The following GSTCD variants were observed in gnomAD, a reference collection of about 807,000 sequenced individuals.
GSTCD encodes glutathione S-transferase C-terminal domain containing, also known as glutathione S-transferase C-terminal domain-containing protein.
GSTCD carries 44 observed loss-of-function variants against 68.3 expected under a neutral mutation model. The ratio of observed to expected loss-of-function variants is 0.64; its 90% CI spans 0.51 to 0.83. The LOEUF (loss-of-function observed/expected upper bound fraction) is 0.83, where lower values mean the gene tolerates loss of function less well. Ranked by LOEUF, GSTCD falls within the 40% of genes least tolerant of loss-of-function variation. The pLI, the probability that GSTCD is intolerant of heterozygous loss-of-function variation, is 0.00. For synonymous variants in GSTCD, 273 were observed against 255.2 expected (o/e 1.07, Z -0.67); for missense variants, 739 against 735.9 (o/e 1.00, Z -0.05).
In GSTCD at chr4:105,718,918, A is replaced by C. The variant is rs1322648309; in HGVS notation, c.427-142A>C. The C allele has an allele frequency of 2.6e-5, 17 of 641,518 alleles. No individual in the cohort carries two copies. In the East Asian group the frequency reaches 4.4e-4, roughly 17 times the overall value. The allele number at this position is 641,518 out of a possible 1,614,324, so 39.7% of individuals were successfully genotyped here. On this transcript the variant is annotated intron_variant, in intron 2 of 11. Coordinates refer to ENST00000515279, the MANE Select transcript of GSTCD (RefSeq NM_001370181.1). ...ATGTTTTTACTTCTGAAGCACTGTG[A>C]TGTGTCTCCTGATACAACATAAAAG...
chr4:105,800,687 G>A (rs1159723800), intron 5 of GSTCD, among the ~76,000 whole-genome samples: 2 of 152,152 alleles, frequency 1.3e-5, no homozygotes, highest in East Asian at 3.9e-4. Context: ...TGCTATTGAT[G>A]CATAATAGTT....
intron 5 of GSTCD, among the ~76,000 whole-genome samples, chr4:105,731,207 A>G (rs1312916938): frequency 6.6e-6 from 1 of 152,122 alleles, no homozygotes; most frequent in Non-Finnish European, 1.5e-5. Context: ...TTGTCTTGGC[A>G]ATGCGGGCTC....
At chr4:105,747,376 A>T (rs939914070) in intron 5 of GSTCD, among the ~76,000 whole-genome samples, 15 of 152,238 alleles carry the variant, frequency 9.9e-5, no homozygotes, top group Admixed American at 5.2e-4. Flanking sequence ...CCTACCCCAC[A>T]GTTTCTCTTA....
chr4:105,756,556 GTATA>G (rs1264656592), intron 5 of GSTCD, among the ~76,000 whole-genome samples: 2 of 119,878 alleles, frequency 1.7e-5, no homozygotes, highest in Non-Finnish European at 3.5e-5. Flanking sequence ...ATACATATAT[GTATA>G]TATATGTGTG....
intron 5 of GSTCD, among the ~76,000 whole-genome samples, chr4:105,733,085 G>C (rs973221279): frequency 3.3e-5 from 5 of 152,168 alleles, no homozygotes; most frequent in African/African-American, 4.8e-5. Flanking sequence ...TTTTACATTT[G>C]CTGAGGAGTG....
chr4:105,731,306 A>G (rs191723363), intron 5 of GSTCD, among the ~76,000 whole-genome samples: 8 of 152,316 alleles, frequency 5.3e-5, no homozygotes, highest in African/African-American at 1.7e-4. Flanking sequence ...CATTGAATCT[A>G]TAAATTACCT....
chr4:105,804,270 C>A (rs1736246755), intron 5 of GSTCD, among the ~76,000 whole-genome samples: 1 of 151,808 alleles, frequency 6.6e-6, no homozygotes. Flanking sequence ...AATAAAGAAA[C>A]TTTTCTATTA....
intron 10 of GSTCD, among the ~76,000 whole-genome samples, chr4:105,838,718 T>C (rs1560856341): frequency 6.6e-6 from 1 of 152,220 alleles, no homozygotes; most frequent in South Asian, 2.1e-4. Flanking sequence ...CAAAACAGTT[T>C]CTAGCTTCCT....
intron 5 of GSTCD, among the ~76,000 whole-genome samples, chr4:105,797,078 GTA>G (rs149142373): frequency 6.6e-5 from 10 of 150,986 alleles, no homozygotes; most frequent in East Asian, 2.0e-4. Context: ...GTGTGTGTGT[GTA>G]TGTGTGTGTG....
intron 1 of GSTCD, among the ~76,000 whole-genome samples, chr4:105,711,821 G>A (rs1183246751): frequency 6.6e-6 from 1 of 152,064 alleles, no homozygotes; most frequent in Non-Finnish European, 1.5e-5. Context: ...TTCTTGCTAG[G>A]CACATGTATG....
Position 105,718,950 on chromosome 4 carries a change from C to T in GSTCD, c.427-110C>T, listed in dbSNP as rs978365748. Reference sequence around the variant, plus strand: ...TCCTGATACAACATAAAAGCCTAGCCCAGGGATGATTGAGCTCAAAACTTA... The same window carrying T: ...TCCTGATACAACATAAAAGCCTAGCTCAGGGATGATTGAGCTCAAAACTTA... On this transcript the variant is annotated intron_variant, in intron 2 of 11. Transcript: ENST00000515279. 5.1e-6 allele frequency: 4 copies of T among 783,648 alleles called. No individual in the cohort carries two copies. The Admixed American group carries it at 1.1e-4, about 22-fold the overall frequency. The allele number at this position is 783,648 out of a possible 1,614,324, so 48.5% of individuals were successfully genotyped here. A position where few individuals can be genotyped will look rare whatever the true frequency, so the allele number is the denominator to read the frequency against.
intron 5 of GSTCD, among the ~76,000 whole-genome samples, chr4:105,788,610 A>G (rs1279630994): frequency 1.3e-5 from 2 of 151,782 alleles, no homozygotes; most frequent in Non-Finnish European, 2.9e-5. Flanking sequence ...TATCTCACTT[A>G]AAAAAAAGTA....
At chr4:105,724,492 G>C (rs1311436067) in intron 3 of GSTCD, among the ~76,000 whole-genome samples, 1 of 151,274 alleles carries the variant, frequency 6.6e-6, no homozygotes, top group Non-Finnish European at 1.5e-5. Flanking sequence ...ATTTTCTTTA[G>C]TAAAATGTTC....
chr4:105,722,766 GATC>G (rs1732912877), intron 3 of GSTCD, among the ~76,000 whole-genome samples: 1 of 151,036 alleles, frequency 6.6e-6, no homozygotes, highest in Non-Finnish European at 1.5e-5. Flanking sequence ...TTTAAAAATA[GATC>G]ATCTTTTTTT....
At chr4:105,812,874 A>C (rs1722810766) in intron 5 of GSTCD, among the ~76,000 whole-genome samples, 1 of 152,202 alleles carries the variant, frequency 6.6e-6, no homozygotes, top group African/African-American at 2.4e-5. Flanking sequence ...GGGAGGCAGC[A>C]TAGTGCATTC....
At chr4:105,760,167 C>G (rs1266526261) in intron 5 of GSTCD, among the ~76,000 whole-genome samples, 1 of 135,870 alleles carries the variant, frequency 7.4e-6, no homozygotes, top group Non-Finnish European at 1.6e-5. Context: ...AAAAAATAGG[C>G]AAAAAAAAAA....
chr4:105,841,255 C>T (rs989806004), intron 10 of GSTCD, among the ~76,000 whole-genome samples: 1 of 151,192 alleles, frequency 6.6e-6, no homozygotes, highest in African/African-American at 2.4e-5. Flanking sequence ...ACCCAGGAGG[C>T]GGAGGTTGCA....
At chr4:105,717,526 T>C in intron 1 of GSTCD, 67 bp from the exon 2 acceptor site, 1 of 997,228 alleles carries the variant, frequency 1.0e-6, no homozygotes, top group Admixed American at 2.6e-5. Context: ...TTTGAAACAT[T>C]CATCTTTTAT....
In GSTCD at chr4:105,842,111, T is replaced by C; in HGVS notation, c.1742T>C (p.Leu581Pro). 1 of 1,614,012 alleles carries C rather than the reference T, an allele frequency of 6.2e-7. No homozygotes were observed. Among genetic ancestry groups the C allele is most frequent in the Non-Finnish European group, 8.5e-7 (1 of 1,179,924 alleles). The change falls in exon 11 of 12, where the codon CTC becomes CCC. Residue 581 changes from leucine to proline, a missense_variant. By Grantham distance (98) the Leu-to-Pro change is moderately conservative. Coordinates refer to ENST00000515279, the MANE Select transcript of GSTCD (RefSeq NM_001370181.1). The part of the protein sequence containing the change: ...CRFADQTAVQ[L>P]PPQRRLIGKQ... ...TTTGCAGACCAGACAGCTGTCCAGC[T>C]CCCACCCCAACGAAGGCTCATAGGT...
Sources: allele counts gnomAD v4.1 joint callset (sites outside exome capture counted in the v4.1 genomes callset), GRCh38; gene constraint gnomAD v4.1.1; transcripts MANE v1.5; gene names NCBI Gene and HGNC (gene_info 2026-07-23, HGNC 2026-07-21).